The following KIT variants were observed in gnomAD, a reference collection of about 807,000 sequenced individuals.
The protein encoded by KIT is mast/stem cell growth factor receptor Kit.
Under a neutral mutation model 105.7 loss-of-function variants are expected in KIT, and 16 were observed. The observed-to-expected ratio is 0.15, with a 90% CI of 0.10 to 0.23. The LOEUF (loss-of-function observed/expected upper bound fraction) is 0.23, where lower values mean the gene tolerates loss of function less well. KIT is among the 10% of genes least tolerant of loss of function. KIT has a pLI of 1.00. For missense variants in KIT, 858 were observed against 1,213.8 expected (o/e 0.71, Z 4.36); for synonymous variants, 438 against 441.1 (o/e 0.99, Z 0.09).
chr4:54,712,479 A>G (rs1465128146), intron 7 of KIT, among the ~76,000 whole-genome samples: 1 of 152,148 alleles, frequency 6.6e-6, no homozygotes, highest in Non-Finnish European at 1.5e-5. Flanking sequence ...CTTTAAGTCC[A>G]AAGGGGTGTT....
Position 54,672,305 on chromosome 4 carries a change from A to AT in KIT, c.67+14234dup, listed in dbSNP as rs71662293. Among the ~76,000 whole-genome samples, 625 of 130,200 alleles carry AT rather than the reference A, an allele frequency of 4.8e-3. 5 individuals carry two copies. The highest frequency in any genetic ancestry group is 0.015 in the African/African-American group (572 of 38,412). 85.4% of individuals were successfully genotyped at this position (130,200 alleles called of 152,430 possible). A position where few individuals can be genotyped will look rare whatever the true frequency, so the allele number is the denominator to read the frequency against. On this transcript the variant is annotated intron_variant, in intron 1 of 20. Transcript: ENST00000288135. ...TAGACGTTTGATCATACTCAGTTTG[A>AT]TTTTTTTTTTAATGAGGGTACTGTG...
rs1423062466 is a variant in KIT, at chr4:54,658,025, C to T, written c.11C>T (p.Ala4Val). ...ATCGCAGCTACCGCGATGAGAGGCG[C>T]TCGCGGCGCCTGGGATTTTCTCTGC... MRG[A>V]RGAWDFLCVL... is the part of the protein sequence containing the mutation. Residue 4 changes from alanine to valine, a missense_variant, in exon 1 of 21, where the codon GCT (alanine) becomes GTT (valine). Around this residue, in one of 7 missense-constraint regions of KIT, gnomAD observed 46 missense variants for 38.8 expected, o/e 1.19. Coordinates refer to ENST00000288135, the MANE Select transcript of KIT (RefSeq NM_000222.3). 5 of 1,613,806 alleles carry T rather than the reference C, an allele frequency of 3.1e-6. No individual in the cohort carries two copies. Among genetic ancestry groups the T allele is most frequent in the Non-Finnish European group, 4.2e-6 (5 of 1,179,896 alleles).
At chr4:54,658,787 A>G (rs1717011883) in intron 1 of KIT, among the ~76,000 whole-genome samples, 1 of 152,128 alleles carries the variant, frequency 6.6e-6, no homozygotes. Flanking sequence ...TGGTGGCGAC[A>G]GGGACAACTT....
chr4:54,726,109 C>A (rs2109770438), intron 9 of KIT, 59 bp downstream of exon 9: 1 of 1,391,838 alleles, frequency 7.2e-7, no homozygotes, highest in South Asian at 1.2e-5. Flanking sequence ...CCATATCAGT[C>A]ATGATTTTAA....
chr4:54,692,793 C>T (rs1007560849), intron 1 of KIT, among the ~76,000 whole-genome samples: 1 of 152,162 alleles, frequency 6.6e-6, no homozygotes, highest in African/African-American at 2.4e-5. Context: ...ACTCTGTAGC[C>T]TTTATGACGT....
chr4:54,705,773 T>C (rs997323589), intron 5 of KIT, among the ~76,000 whole-genome samples: 15 of 152,102 alleles, frequency 9.9e-5, no homozygotes, highest in Non-Finnish European at 1.8e-4. Context: ...TTGCAGCTAC[T>C]TGGGAGGCTG....
chr4:54,725,395 G>C (rs896224209), intron 8 of KIT, among the ~76,000 whole-genome samples: 1 of 152,120 alleles, frequency 6.6e-6, no homozygotes, highest in African/African-American at 2.4e-5. Context: ...GTGAGCTACT[G>C]CGCCCGGCCC....
intron 20 of KIT, 96 bp downstream of exon 20, chr4:54,737,376 C>G: frequency 1.2e-6 from 1 of 827,928 alleles, no homozygotes; most frequent in Non-Finnish European, 2.1e-6. Flanking sequence ...ACCTCCCAAC[C>G]CCTTCTCTCC....
intron 13 of KIT, 136 bp downstream of exon 13, chr4:54,728,257 A>G (rs1477746934): frequency 4.1e-6 from 3 of 732,946 alleles, no homozygotes; most frequent in Non-Finnish European, 7.3e-6. Context: ...CTCTTGCTAG[A>G]TTTTGTTTTC....
At chr4:54,695,910 CAT>C (rs1720034708) in intron 2 of KIT, 129 bp downstream of exon 2, 2 of 1,027,026 alleles carry the variant, frequency 1.9e-6, no homozygotes, top group Non-Finnish European at 2.9e-6. Flanking sequence ...GCCTAAAACA[CAT>C]GTTTCTTCAC....
chr4:54,709,234 G>A (rs575802930), intron 6 of KIT, among the ~76,000 whole-genome samples, 190 bp from the exon 7 acceptor site: 10 of 152,350 alleles, frequency 6.6e-5, no homozygotes, highest in African/African-American at 2.2e-4. Flanking sequence ...CACAACAGGC[G>A]TTGGTCCCAG....
chr4:54,684,423 A>G (rs1477905260), intron 1 of KIT, among the ~76,000 whole-genome samples: 1 of 152,168 alleles, frequency 6.6e-6, no homozygotes, highest in East Asian at 1.9e-4. Flanking sequence ...TTATGGACAC[A>G]TGCATCAGCT....
intron 1 of KIT, among the ~76,000 whole-genome samples, chr4:54,682,188 C>T (rs547359410): frequency 4.8e-4 from 72 of 150,688 alleles, no homozygotes; most frequent in South Asian, 1.5e-3. Context: ...TTCCTGGGCT[C>T]AAGCGATCCT....
chr4:54,700,983 A>G (rs572487909), intron 4 of KIT, among the ~76,000 whole-genome samples: 4 of 152,378 alleles, frequency 2.6e-5, no homozygotes, highest in Admixed American at 6.5e-5. Context: ...ACAATCTCAT[A>G]TTAATTGGCT....
intron 17 of KIT, among the ~76,000 whole-genome samples, chr4:54,735,357 CTT>C (rs542307918): frequency 8.1e-6 from 1 of 123,368 alleles, no homozygotes; most frequent in East Asian, 2.3e-4. Context: ...ACTAAAATAA[CTT>C]TAACACCAAA....
intron 1 of KIT, among the ~76,000 whole-genome samples, chr4:54,671,360 C>T (rs1285711954): frequency 1.3e-5 from 2 of 152,108 alleles, no homozygotes; most frequent in African/African-American, 4.8e-5. Flanking sequence ...AAAAGTGGTA[C>T]CCTCTTGGAA....
At chr4:54,738,216 ATAAAGT>A (rs1723037250) in intron 20 of KIT, among the ~76,000 whole-genome samples, 1 of 152,186 alleles carries the variant, frequency 6.6e-6, no homozygotes, top group South Asian at 2.1e-4. Context: ...CACTTCTTGT[ATAAAGT>A]TATTTCCTTG....
In KIT at chr4:54,713,314, T is replaced by G. The variant is rs534314456; in HGVS notation, c.1231+3775T>G. ...GTTCATTCTGTCATTCTCATGATTT[T>G]GCATCCTCATTGCTTAGCTCGTGAG... On this transcript the variant is annotated intron_variant, in intron 7 of 20. Transcript: ENST00000288135. 2.1e-4 allele frequency among the ~76,000 whole-genome samples: 32 copies of G among 152,246 alleles called. No individual in the cohort carries two copies. In the East Asian group the frequency reaches 4.6e-3, roughly 22 times the overall value.
chr4:54,711,457 G>A (rs1286027550), intron 7 of KIT, among the ~76,000 whole-genome samples: 2 of 152,154 alleles, frequency 1.3e-5, no homozygotes, highest in African/African-American at 4.8e-5. Context: ...GCCAGAGGGG[G>A]CCATGGGATA....
Sources: allele counts gnomAD v4.1 joint callset (sites outside exome capture counted in the v4.1 genomes callset), GRCh38; gene constraint gnomAD v4.1.1; regional missense constraint gnomAD v4.1.1; transcripts MANE v1.5; gene names NCBI Gene and HGNC (gene_info 2026-07-23, HGNC 2026-07-21).